The following NRP1 variants were observed in gnomAD, a reference collection of about 807,000 sequenced individuals.
NRP1 encodes the protein neuropilin-1.
Under a neutral mutation model 106.7 loss-of-function variants are expected in NRP1, and 35 were observed. The observed-to-expected ratio is 0.33, with a 90% CI of 0.25 to 0.43. The LOEUF (loss-of-function observed/expected upper bound fraction) is 0.43, where lower values mean the gene tolerates loss of function less well. NRP1 is among the 20% of genes least tolerant of loss of function. The pLI, the probability that NRP1 is intolerant of heterozygous loss-of-function variation, is 1.00. For missense variants in NRP1, 1,024 were observed against 1,170.4 expected (o/e 0.87, Z 1.83); for synonymous variants, 437 against 417.9 (o/e 1.05, Z -0.56).
intron 6 of NRP1, among the ~76,000 whole-genome samples, chr10:33,251,831 G>A (rs1035125567): frequency 6.6e-6 from 1 of 152,128 alleles, no homozygotes; most frequent in Non-Finnish European, 1.5e-5. Flanking sequence ...CCAAGAATGG[G>A]ACTACATTAC....
chr10:33,261,512 T>A (rs1842572014), intron 4 of NRP1, among the ~76,000 whole-genome samples: 2 of 152,232 alleles, frequency 1.3e-5, no homozygotes, highest in South Asian at 4.1e-4. Context: ...AATCTCATTA[T>A]TTAATAAAGG....
At chr10:33,325,550 A>T (rs1250107960) in intron 2 of NRP1, among the ~76,000 whole-genome samples, 1 of 152,222 alleles carries the variant, frequency 6.6e-6, no homozygotes, top group Non-Finnish European at 1.5e-5. Flanking sequence ...TGCGGGAATA[A>T]TCAGATTTGA....
At chr10:33,331,758 A>G (rs1326536342) in intron 1 of NRP1, among the ~76,000 whole-genome samples, 6 of 152,182 alleles carry the variant, frequency 3.9e-5, no homozygotes. Flanking sequence ...TGGGCTGCCT[A>G]TATTGTTCAG....
chr10:33,255,451 G>T (rs1842132934), intron 5 of NRP1, among the ~76,000 whole-genome samples: 1 of 151,998 alleles, frequency 6.6e-6, no homozygotes, highest in South Asian at 2.1e-4. Flanking sequence ...TTTTTTCTTT[G>T]TTCTTTTTTG....
chr10:33,333,117 G>C (rs910910604), intron 1 of NRP1, among the ~76,000 whole-genome samples: 45 of 152,084 alleles, frequency 3.0e-4, no homozygotes, highest in Admixed American at 2.1e-3. Context: ...ACCAGCTCAG[G>C]TTCATTAATA....
intron 2 of NRP1, among the ~76,000 whole-genome samples, chr10:33,313,115 A>G (rs1216438435): frequency 1.3e-5 from 2 of 152,248 alleles, no homozygotes; most frequent in African/African-American, 2.4e-5. Context: ...GATAAAATGC[A>G]TCTGTTCATG....
intron 3 of NRP1, among the ~76,000 whole-genome samples, chr10:33,266,308 C>T (rs1255105319): frequency 2.0e-5 from 3 of 152,058 alleles, no homozygotes; most frequent in Admixed American, 6.5e-5. Flanking sequence ...TTCCATGGGG[C>T]GATGGACAAG....
chr10:33,198,996 C>A (rs1358435193), intron 11 of NRP1, among the ~76,000 whole-genome samples: 3 of 152,128 alleles, frequency 2.0e-5, no homozygotes, highest in Non-Finnish European at 4.4e-5. Context: ...GTAACCTTAT[C>A]TATTAAGACT....
chr10:33,215,648 A>C (rs2300948), intron 8 of NRP1, among the ~76,000 whole-genome samples: 42,686 of 152,114 alleles, frequency 0.28, 6,433 homozygotes, highest in East Asian at 0.62. Context: ...TTTAGCCTAA[A>C]AATATAACTA....
intron 1 of NRP1, among the ~76,000 whole-genome samples, chr10:33,331,622 C>T (rs1314220402): frequency 1.3e-5 from 2 of 152,196 alleles, no homozygotes; most frequent in Non-Finnish European, 2.9e-5. Flanking sequence ...TAACCCACCA[C>T]ACAGGTCTGG....
rs560964497 is a variant in NRP1 at position 33,264,966 on chromosome 10, T to G, written c.431-1093A>C. On this transcript the variant is annotated intron_variant, in intron 3 of 16. Coordinates refer to ENST00000374867, the MANE Select transcript of NRP1 (RefSeq NM_003873.7). ...CTCTACTAAAAATAGAAAAATTAGCTGGGCGTGGTCGTGGGCACCTGTAAT... is the reference window on the plus strand; with the variant it reads ...CTCTACTAAAAATAGAAAAATTAGCGGGGCGTGGTCGTGGGCACCTGTAAT... Among the ~76,000 whole-genome samples the G allele has an allele frequency of 2.0e-5, 3 of 152,018 alleles. No individual in the cohort carries two copies. The East Asian group carries it at 5.8e-4, about 30-fold the overall frequency.
chr10:33,244,222 T>A (rs1251009364), intron 6 of NRP1, among the ~76,000 whole-genome samples: 2 of 152,102 alleles, frequency 1.3e-5, no homozygotes, highest in African/African-American at 4.8e-5. Context: ...AGAACACATA[T>A]TTTTTTGCTC....
chr10:33,283,968 A>G (rs1844328985), intron 2 of NRP1, among the ~76,000 whole-genome samples: 1 of 152,230 alleles, frequency 6.6e-6, no homozygotes, highest in African/African-American at 2.4e-5. Context: ...CCTCAATCCC[A>G]AGATAACCTT....
At chr10:33,182,833 G>GCGCGCACACACACACACACA in intron 15 of NRP1, 85 bp from the exon 16 acceptor site, 2 of 746,334 alleles carry the variant, frequency 2.7e-6, no homozygotes, top group South Asian at 1.5e-5. Context: ...TTAGGTACAT[G>GCGCGCACACACACACACACA]CACACACACA....
intron 2 of NRP1, among the ~76,000 whole-genome samples, chr10:33,295,681 G>A (rs1845336392): frequency 6.6e-6 from 1 of 152,142 alleles, no homozygotes; most frequent in Non-Finnish European, 1.5e-5. Flanking sequence ...TGCACTCAGT[G>A]TGGGCAATAA....
At chr10:33,197,582 C>T (rs1020824480) in intron 12 of NRP1, 68 bp downstream of exon 12, 11 of 1,247,876 alleles carry the variant, frequency 8.8e-6, no homozygotes, top group African/African-American at 1.5e-5. Context: ...AAACTGAAAG[C>T]GAGGAGCGCA....
rs1839259616 is a variant in NRP1, at chr10:33,221,763, G to A, written c.1238C>T (p.Thr413Ile). The A allele has an allele frequency of 6.2e-7, 1 of 1,614,024 alleles. No homozygotes were observed. The highest frequency in any genetic ancestry group is 1.7e-5 in the Admixed American group (1 of 60,000). Reference sequence around the variant, plus strand: ...TACTTCAAATCTCATAGATATGCCAGTTTCCCAAGTTGCAGGCTTGATTCG... The same window carrying A: ...TACTTCAAATCTCATAGATATGCCAATTTCCCAAGTTGCAGGCTTGATTCG... ...FVRIKPATWE[T>I]GISMRFEVYG... is the part of the protein sequence containing the mutation. Residue 413 changes from threonine (T) to isoleucine (I), a missense_variant, in exon 8 of 17, where the codon ACT becomes ATT. Physicochemically the swap from Thr to Ile is moderately conservative, Grantham distance 89 (BLOSUM62 -1). Coordinates refer to ENST00000374867, the MANE Select transcript of NRP1 (RefSeq NM_003873.7).
intron 16 of NRP1, among the ~76,000 whole-genome samples, chr10:33,182,017 C>T (rs896999809): frequency 6.6e-6 from 1 of 152,100 alleles, no homozygotes; most frequent in African/African-American, 2.4e-5. Context: ...TCGCTTGAAC[C>T]TGGCAGGTGG....
intron 11 of NRP1, 142 bp downstream of exon 11, chr10:33,202,749 G>T (rs778985229): frequency 1.9e-6 from 3 of 1,564,432 alleles, no homozygotes; most frequent in Admixed American, 3.8e-5. Context: ...AAATGAAGAT[G>T]CACGTGTTCT....
Sources: gnomAD v4.1 joint callset for allele counts (sites outside exome capture counted in the v4.1 genomes callset) on GRCh38, gnomAD v4.1.1 for gene constraint, MANE v1.5 for transcripts, NCBI Gene and HGNC (gene_info 2026-07-23, HGNC 2026-07-21) for gene names.